Variants in SUSD6 observed in about 807,000 individuals in gnomAD.
SUSD6 encodes sushi domain-containing protein 6.
A neutral mutation model predicts 28.4 loss-of-function variants in SUSD6; 16 were observed. The observed-to-expected ratio is 0.56, with a 90% CI of 0.38 to 0.86. The LOEUF (loss-of-function observed/expected upper bound fraction) is 0.86. SUSD6 is among the 40% of genes least tolerant of loss of function. The pLI is 0.00. For synonymous variants in SUSD6, 147 were observed against 159.6 expected (o/e 0.92, Z 0.59); for missense variants, 341 against 384.2 (o/e 0.89, Z 0.94).
intron 2 of SUSD6, among the ~76,000 whole-genome samples, chr14:69,697,835 C>T (rs1476969979): frequency 6.6e-6 from 1 of 152,214 alleles, no homozygotes; most frequent in Non-Finnish European, 1.5e-5. Flanking sequence ...GCTTGTGTCA[C>T]ATTTAACACT....
chr14:69,688,714 C>T (rs117490927), intron 2 of SUSD6, among the ~76,000 whole-genome samples: 7 of 152,368 alleles, frequency 4.6e-5, no homozygotes, highest in Non-Finnish European at 1.0e-4. Flanking sequence ...CCACTCCACC[C>T]TGTCAGCACA....
At position 69,710,885 on chromosome 14, in the gene SUSD6, G is replaced by T. The variant is rs1566609588; in HGVS notation, c.887-69G>T. ...TATGTAGGATAGCCCCTAAGTTGCA[G>T]TGGGGTCGAGAGTGCTCTAGAGTTC... On this transcript the variant is annotated intron_variant, in intron 5 of 5. Coordinates refer to ENST00000342745, the MANE Select transcript of SUSD6 (RefSeq NM_014734.4). The T allele has an allele frequency of 4.8e-6, 7 of 1,462,714 alleles. No individual in the cohort carries two copies. In the African/African-American group the frequency reaches 8.3e-5, roughly 17 times the overall value. 90.6% of individuals were successfully genotyped at this position (1,462,714 alleles called of 1,614,324 possible).
chr14:69,676,113 G>T (rs1229288698), intron 2 of SUSD6, among the ~76,000 whole-genome samples: 2 of 152,182 alleles, frequency 1.3e-5, no homozygotes, highest in Non-Finnish European at 2.9e-5. Flanking sequence ...GCCCTTGAGT[G>T]ATTCAGGTAC....
intron 2 of SUSD6, among the ~76,000 whole-genome samples, chr14:69,678,481 A>G (rs775556062): frequency 1.3e-5 from 2 of 152,234 alleles, no homozygotes; most frequent in East Asian, 1.9e-4. Context: ...TGATGGATCT[A>G]TGGGCGACTC....
intron 1 of SUSD6, among the ~76,000 whole-genome samples, chr14:69,637,848 G>A (rs924318804): frequency 1.4e-4 from 21 of 152,152 alleles, no homozygotes; most frequent in Middle Eastern, 3.4e-3. Flanking sequence ...AGGGAGTGTG[G>A]GGCAGCAGCA....
intron 1 of SUSD6, among the ~76,000 whole-genome samples, chr14:69,646,816 C>A (rs1885434545): frequency 6.7e-6 from 1 of 150,304 alleles, no homozygotes; most frequent in South Asian, 2.1e-4. Flanking sequence ...ATTCTCCTGC[C>A]TCAGCCTCCC....
chr14:69,704,674 G>A lies in SUSD6; in HGVS notation c.390G>A (p.Ala130=), dbSNP rs148189458. Residue 130 remains alanine (A), a synonymous_variant, in exon 4 of 6, where the codon GCG becomes GCA. Coordinates refer to ENST00000342745, the MANE Select transcript of SUSD6 (RefSeq NM_014734.4). Reference sequence around the variant, plus strand: ...TGGCTTCTACTGCCAGCTCCGTGGCGCTCATTCTCCTCCTCGTGGTGCTGT... The same window carrying A: ...TGGCTTCTACTGCCAGCTCCGTGGCACTCATTCTCCTCCTCGTGGTGCTGT... ...SIVASTASSV[A]LILLLVVLFV... 46 of 1,614,098 alleles carry A rather than the reference G, an allele frequency of 2.8e-5. No individual in the cohort carries two copies. In the African/African-American group the frequency reaches 3.6e-4, roughly 13 times the overall value.
chr14:69,688,957 C>A (rs1275894518), intron 2 of SUSD6, among the ~76,000 whole-genome samples: 1 of 152,226 alleles, frequency 6.6e-6, no homozygotes, highest in Non-Finnish European at 1.5e-5. Context: ...GCCTGATTTT[C>A]TAAATGTTCA....
At chr14:69,684,731 G>A (rs116477070) in intron 2 of SUSD6, among the ~76,000 whole-genome samples, 438 of 152,362 alleles carry the variant, frequency 2.9e-3, no homozygotes, top group African/African-American at 0.01. Context: ...CCAGGCCAGG[G>A]GGCAGGTCAG....
intron 2 of SUSD6, among the ~76,000 whole-genome samples, chr14:69,675,542 CT>C (rs5809439): frequency 0.74 from 110,477 of 149,816 alleles, 42,117 homozygotes; most frequent in Admixed American, 0.84. Context: ...AGTTTCTGTG[CT>C]TTTTTTTTTT....
intron 2 of SUSD6, among the ~76,000 whole-genome samples, chr14:69,663,739 T>C (rs1289046893): frequency 1.3e-5 from 2 of 152,210 alleles, no homozygotes; most frequent in African/African-American, 4.8e-5. Flanking sequence ...TGAGGCTGGC[T>C]GGGATTTGTG....
In SUSD6 at chr14:69,707,590, T is replaced by A. The variant is rs564999602; in HGVS notation, c.459-1087T>A. Among the ~76,000 whole-genome samples, 23 of 151,944 alleles carry A rather than the reference T, an allele frequency of 1.5e-4. No individual in the cohort carries two copies. The South Asian group carries it at 4.8e-3, about 32-fold the overall frequency. On this transcript the variant is annotated intron_variant, in intron 4 of 5. Transcript: ENST00000342745. ...GGGCAACATGGAGAAACTCCGTCTCTACAAAAAATTGGCCAGGCGTGGTGG... is the reference window on the plus strand; with the variant it reads ...GGGCAACATGGAGAAACTCCGTCTCAACAAAAAATTGGCCAGGCGTGGTGG...
At chr14:69,699,714 A>T (rs759167736) in intron 2 of SUSD6, among the ~76,000 whole-genome samples, 2 of 152,068 alleles carry the variant, frequency 1.3e-5, no homozygotes, top group Non-Finnish European at 2.9e-5. Flanking sequence ...TGTCTGGGGT[A>T]ATATCTGAGG....
At chr14:69,694,482 G>C (rs1886195727) in intron 2 of SUSD6, among the ~76,000 whole-genome samples, 1 of 152,196 alleles carries the variant, frequency 6.6e-6, no homozygotes, top group Non-Finnish European at 1.5e-5. Flanking sequence ...ACCCTGTGCT[G>C]CTCATTGTTT....
chr14:69,704,807 T>TTGGTGGAGGGTTGC, intron 4 of SUSD6, 65 bp downstream of exon 4: 1 of 1,558,766 alleles, frequency 6.4e-7, no homozygotes, highest in Non-Finnish European at 8.7e-7. Flanking sequence ...GGGCCAGTCT[T>TTGGTGGAGGGTTGC]TGGTGGAGGG....
rs550816506 is a variant in SUSD6 at position 69,714,302 on chromosome 14, G to A, written c.*3323G>A. 16 of 152,300 alleles carry A rather than the reference G, an allele frequency of 1.1e-4. No homozygotes were observed. The highest frequency in any genetic ancestry group is 1.0e-3 in the Admixed American group (16 of 15,296). 9.4% of individuals were successfully genotyped at this position (152,300 alleles called of 1,614,324 possible). ...GTGGCACGGGAATAGATAGCCCTTAGCCCTTTCCCTCCCAGTCCCAGCTGA... is the reference window on the plus strand; with the variant it reads ...GTGGCACGGGAATAGATAGCCCTTAACCCTTTCCCTCCCAGTCCCAGCTGA... On this transcript the variant is annotated 3_prime_UTR_variant, in exon 6 of 6. Coordinates refer to ENST00000342745, the MANE Select transcript of SUSD6 (RefSeq NM_014734.4).
At chr14:69,687,299 C>T (rs193100753) in intron 2 of SUSD6, among the ~76,000 whole-genome samples, 39 of 152,092 alleles carry the variant, frequency 2.6e-4, no homozygotes, top group Middle Eastern at 3.4e-3. Context: ...CTAGTAGAGA[C>T]GGGGTTTCGC....
chr14:69,696,928 A>G (rs1221406170), intron 2 of SUSD6, among the ~76,000 whole-genome samples: 13 of 152,214 alleles, frequency 8.5e-5, no homozygotes, highest in Admixed American at 8.5e-4. Context: ...GAATAAAAGA[A>G]TGGCTGCTGT....
At chr14:69,699,800 G>A (rs184603705) in intron 2 of SUSD6, among the ~76,000 whole-genome samples, 1 of 152,276 alleles carries the variant, frequency 6.6e-6, no homozygotes, top group African/African-American at 2.4e-5. Flanking sequence ...TTTAATAGGC[G>A]AAAGAGAAGA....
Sources: allele counts gnomAD v4.1 joint callset (sites outside exome capture counted in the v4.1 genomes callset), GRCh38; gene constraint gnomAD v4.1.1; transcripts MANE v1.5; gene names NCBI Gene and HGNC (gene_info 2026-07-23, HGNC 2026-07-21).